The following DMD variants were observed in gnomAD, a reference collection of about 807,000 sequenced individuals.
DMD encodes the protein mutant dystrophin.
Under a neutral mutation model 330.1 loss-of-function variants are expected in DMD, and 63 were observed. The ratio of observed to expected loss-of-function variants is 0.19; its 90% CI spans 0.16 to 0.24. The LOEUF (loss-of-function observed/expected upper bound fraction) is 0.24. Among genes scored for constraint, DMD ranks in the 10% least tolerant of loss-of-function variants. The probability of loss-of-function intolerance (pLI) is 1.00; values close to 1 mark genes in which losing one functional copy is unlikely to be tolerated. For missense variants in DMD, 3,344 were observed against 2,684.1 expected, an observed-to-expected ratio of 1.25 and a Z score of -5.43; for synonymous variants, 1,223 against 959.8, an observed-to-expected ratio of 1.27 and a Z score of -5.07.
chrX:32,511,524 G>GGGGAA (rs766801853), intron 18 of DMD, among the ~76,000 whole-genome samples: 1 of 49,795 alleles, frequency 2.0e-5, no homozygotes, highest in Non-Finnish European at 3.5e-5. Flanking sequence ...TCCGTCTCGG[G>GGGGAA]AAAAAAAAAA....
chrX:32,806,880 G>A (rs2076980637), intron 7 of DMD, among the ~76,000 whole-genome samples: 1 of 110,146 alleles, frequency 9.1e-6, no homozygotes, highest in Non-Finnish European at 1.9e-5. Context: ...AAATAAAGAA[G>A]TTCTTTGAAA....
intron 16 of DMD, among the ~76,000 whole-genome samples, chrX:32,553,397 G>A (rs780998961): frequency 2.4e-4 from 27 of 110,268 alleles, no homozygotes; most frequent in East Asian, 5.8e-4. Context: ...CAACAGACAC[G>A]GTGGTCTATG....
At chrX:32,383,950 T>C (rs1457883490) in intron 33 of DMD, among the ~76,000 whole-genome samples, 2 of 109,968 alleles carry the variant, frequency 1.8e-5, no homozygotes, top group Non-Finnish European at 3.8e-5. Context: ...AAAAAACCTC[T>C]ATTTTAAAAA....
chrX:32,925,879 CATAA>C (rs898950679), intron 2 of DMD, among the ~76,000 whole-genome samples: 1 of 111,722 alleles, frequency 9.0e-6, no homozygotes, highest in African/African-American at 3.3e-5. Context: ...TATTGGGGGA[CATAA>C]ATATTTATGG....
At chrX:32,127,676 A>G (rs142780834) in intron 44 of DMD, among the ~76,000 whole-genome samples, 1,763 of 111,861 alleles carry the variant, frequency 0.016, 19 homozygotes, top group African/African-American at 0.035. Flanking sequence ...ATCTCTGACA[A>G]TATATATGCT....
chrX:31,396,895 T>C (rs1002212931), intron 60 of DMD, among the ~76,000 whole-genome samples: 1 of 111,536 alleles, frequency 9.0e-6, no homozygotes, highest in African/African-American at 3.3e-5. Flanking sequence ...TTTGAGAGTT[T>C]TGGAGTGAGT....
chrX:32,917,629 A>T (rs1432640301), intron 2 of DMD, among the ~76,000 whole-genome samples: 4 of 112,051 alleles, frequency 3.6e-5, no homozygotes, highest in African/African-American at 1.3e-4. Flanking sequence ...CTGGGGAAAA[A>T]AAGAGAAGAA....
chrX:32,248,912 T>A (rs2097252796), intron 43 of DMD, among the ~76,000 whole-genome samples: 1 of 111,627 alleles, frequency 9.0e-6, no homozygotes, highest in Non-Finnish European at 1.9e-5. Flanking sequence ...ATGTTCATTT[T>A]TATAATAGTA....
chrX:32,938,735 A>G (rs1205719496), intron 2 of DMD, among the ~76,000 whole-genome samples: 1 of 111,813 alleles, frequency 8.9e-6, no homozygotes, highest in Non-Finnish European at 1.9e-5. Flanking sequence ...TATTAGATTT[A>G]AAACCAGAAA....
rs371601834 is a variant in DMD at position 32,965,189 on chromosome X, T to C, written c.93+54950A>G. Among the ~76,000 whole-genome samples, 9 of 111,426 alleles carry C rather than the reference T, an allele frequency of 8.1e-5. No homozygotes were observed. In the East Asian group the frequency reaches 2.3e-3, roughly 28 times the overall value. ...GGGAAATATAAAATGTATTTGATGATATTAAGCAAATATTTTCCGGGGCTG... is the reference window on the plus strand; with the variant it reads ...GGGAAATATAAAATGTATTTGATGACATTAAGCAAATATTTTCCGGGGCTG... On this transcript the variant is annotated intron_variant, in intron 2 of 78. Transcript: ENST00000357033.
At chrX:32,569,693 C>T (rs1033541089) in intron 15 of DMD, among the ~76,000 whole-genome samples, 9 of 111,408 alleles carry the variant, frequency 8.1e-5, no homozygotes, top group African/African-American at 2.9e-4. Context: ...GCTCAGTTAC[C>T]ATGAGCACTT....
At chrX:31,953,836 A>G (rs1704168184) in intron 45 of DMD, among the ~76,000 whole-genome samples, 2 of 112,253 alleles carry the variant, frequency 1.8e-5, no homozygotes, top group South Asian at 7.3e-4. Context: ...CAAATTAAAA[A>G]TATAAACGCA....
At chrX:31,879,210 G>GGA (rs1556965810) in intron 47 of DMD, among the ~76,000 whole-genome samples, 5 of 7,893 alleles carry the variant, frequency 6.3e-4, no homozygotes, top group Non-Finnish European at 1.8e-3. Flanking sequence ...TCTACATGGC[G>GGA]GGGGGGGGCC....
At chrX:31,948,216 C>A (rs762749969) in intron 45 of DMD, among the ~76,000 whole-genome samples, 1 of 111,578 alleles carries the variant, frequency 9.0e-6, no homozygotes, top group South Asian at 3.8e-4. Flanking sequence ...CCTTTTAAGG[C>A]CAAATAATAT....
At chrX:32,852,329 C>T (rs1179312920) in intron 2 of DMD, among the ~76,000 whole-genome samples, 1 of 111,217 alleles carries the variant, frequency 9.0e-6, no homozygotes, top group African/African-American at 3.3e-5. Context: ...GAATCCAGTC[C>T]TGGTAGAATT....
intron 53 of DMD, among the ~76,000 whole-genome samples, chrX:31,676,531 C>T (rs1238836980): frequency 9.0e-6 from 1 of 111,610 alleles, no homozygotes; most frequent in Non-Finnish European, 1.9e-5. Context: ...GTAATATAAT[C>T]TTATTTGTCA....
At position 31,178,304 on chromosome X, in the gene DMD, A is replaced by T. The variant is rs895689642; in HGVS notation, c.10224-334T>A. 19 of 991,734 alleles carry T rather than the reference A, an allele frequency of 1.9e-5. No individual in the cohort carries two copies. In the East Asian group the frequency reaches 7.8e-4, roughly 41 times the overall value. The allele number at this position is 991,734 out of a possible 1,213,427, so 81.7% of individuals were successfully genotyped here. ...TAGATATGACCACACAATGAGATAC[A>T]AAAAGACACACATTTACTGATTTGT... is the stretch of plus-strand genomic sequence containing the variant. On this transcript the variant is annotated intron_variant, in intron 70 of 78. Coordinates refer to ENST00000357033, the MANE Select transcript of DMD (RefSeq NM_004006.3).
chrX:31,670,923 T>C (rs1208304329), intron 53 of DMD, among the ~76,000 whole-genome samples: 2 of 110,132 alleles, frequency 1.8e-5, no homozygotes, highest in African/African-American at 6.6e-5. Context: ...TCTTTTTTTT[T>C]TTTTTTTTAG....
intron 9 of DMD, among the ~76,000 whole-genome samples, chrX:32,686,706 T>G (rs1286996293): frequency 9.1e-6 from 1 of 110,410 alleles, no homozygotes; most frequent in East Asian, 2.8e-4. Flanking sequence ...GTTAATAATT[T>G]AAAGAGAAAA....
Sources: allele counts gnomAD v4.1 joint callset (sites outside exome capture counted in the v4.1 genomes callset), GRCh38; gene constraint gnomAD v4.1.1; transcripts MANE v1.5; gene names NCBI Gene and HGNC (gene_info 2026-07-23, HGNC 2026-07-21).